The following CFAP206 variants were observed in gnomAD, a reference collection of about 807,000 sequenced individuals.
CFAP206 encodes cilia- and flagella-associated protein 206.
A neutral mutation model predicts 65.4 loss-of-function variants in CFAP206; 53 were observed. That is an observed-to-expected ratio of 0.81 (90% CI 0.65 to 1.02). CFAP206 has a LOEUF of 1.02. Among genes scored for constraint, CFAP206 ranks in the 50% least tolerant of loss-of-function variants. The pLI, the probability that CFAP206 is intolerant of heterozygous loss-of-function variation, is 0.00. For synonymous variants in CFAP206, 250 were observed against 254.4 expected (o/e 0.98, Z 0.17); for missense variants, 663 against 753.2 (o/e 0.88, Z 1.40).
chr6:87,450,571 C>CAAAA (rs10678289), intron 11 of CFAP206, among the ~76,000 whole-genome samples: 8 of 120,930 alleles, frequency 6.6e-5, no homozygotes, highest in Admixed American at 5.2e-4. Flanking sequence ...CTACTTATGG[C>CAAAA]AAAAAAAAAA....
At chr6:87,438,784 G>A (rs1232162272) in intron 11 of CFAP206, among the ~76,000 whole-genome samples, 1 of 151,994 alleles carries the variant, frequency 6.6e-6, no homozygotes, top group Non-Finnish European at 1.5e-5. Context: ...TAGTCTATTT[G>A]GAGATAATAA....
At chr6:87,445,000 G>T in intron 11 of CFAP206, 1 of 521,684 alleles carries the variant, frequency 1.9e-6, no homozygotes, top group South Asian at 1.4e-5. Context: ...ATTCGTTGAA[G>T]ACACTGGCTC....
chr6:87,411,771 T>C (rs1360299440), intron 3 of CFAP206, among the ~76,000 whole-genome samples: 1 of 152,254 alleles, frequency 6.6e-6, no homozygotes, highest in East Asian at 1.9e-4. Flanking sequence ...GAATAGGATG[T>C]CATTTCTCCA....
Position 87,409,824 on chromosome 6 carries a change from G to T in CFAP206, c.-5-11G>T. The T allele has an allele frequency of 1.3e-6, 2 of 1,569,120 alleles. No homozygotes were observed. The highest frequency in any genetic ancestry group is 1.7e-6 in the Non-Finnish European group (2 of 1,153,502). On this transcript the variant is annotated splice_polypyrimidine_tract_variant and intron_variant, in intron 1 of 12. Coordinates refer to ENST00000369562, the MANE Select transcript of CFAP206 (RefSeq NM_001031743.3). ...CACGGTTTTTTTAAAAAAAATTGTT[G>T]TTTTATTTAGCCAGAATGCCTCCAA...
chr6:87,454,140 CAGAG>C (rs1366714412), intron 11 of CFAP206, among the ~76,000 whole-genome samples: 1 of 152,048 alleles, frequency 6.6e-6, no homozygotes, highest in Admixed American at 6.6e-5. Flanking sequence ...TAAAAAGACA[CAGAG>C]AAGATCATTA....
chr6:87,415,954 T>A, intron 5 of CFAP206, 80 bp downstream of exon 5: 1 of 1,095,686 alleles, frequency 9.1e-7, no homozygotes, highest in Non-Finnish European at 1.2e-6. Flanking sequence ...AAATTAGAAG[T>A]GTTAAAGATT....
At chr6:87,452,317 C>T (rs760431953) in intron 11 of CFAP206, among the ~76,000 whole-genome samples, 1 of 152,220 alleles carries the variant, frequency 6.6e-6, no homozygotes, top group Non-Finnish European at 1.5e-5. Flanking sequence ...TAGATCACAA[C>T]ACTCAATTCC....
At chr6:87,444,403 G>T in intron 11 of CFAP206, 1 of 223,356 alleles carries the variant, frequency 4.5e-6, no homozygotes, top group South Asian at 8.0e-5. Context: ...CATTACGCTT[G>T]ACCTACAAAT....
chr6:87,431,673 G>A (rs1422157701), intron 10 of CFAP206, among the ~76,000 whole-genome samples: 1 of 152,308 alleles, frequency 6.6e-6, no homozygotes. Flanking sequence ...GGCTGAGGCA[G>A]GAGAATCACT....
At chr6:87,438,318 G>C (rs963675318) in intron 11 of CFAP206, among the ~76,000 whole-genome samples, 5 of 151,924 alleles carry the variant, frequency 3.3e-5, no homozygotes, top group Non-Finnish European at 7.4e-5. Context: ...AAAATTAGCT[G>C]GGTGTCTTGG....
intron 3 of CFAP206, among the ~76,000 whole-genome samples, chr6:87,412,464 T>C (rs1767750334): frequency 6.6e-6 from 1 of 151,260 alleles, no homozygotes; most frequent in Non-Finnish European, 1.5e-5. Context: ...CCAGTAGAGA[T>C]GAGAGAAGGA....
rs55870560 is a variant in CFAP206 at position 87,450,475 on chromosome 6, ATGTGTGTGTG to A, written c.1495-10517_1495-10508del. 6.5e-3 allele frequency among the ~76,000 whole-genome samples: 842 copies of A among 130,394 alleles called. 12 individuals carry two copies. Among genetic ancestry groups the A allele is most frequent in the African/African-American group, 0.023 (792 of 34,130 alleles). The allele number at this position is 130,394 out of a possible 152,430, so 85.5% of individuals were successfully genotyped here. A position where few individuals can be genotyped will look rare whatever the true frequency, so the allele number is the denominator to read the frequency against. On this transcript the variant is annotated intron_variant, in intron 11 of 12. Transcript: ENST00000369562. ...ATATATTTCCTTTGAATAAATGAAAATGTGTGTGTGTGTGTGTGTGTGTGTGTGTGTGTGT... is the reference window on the plus strand; with the variant it reads ...ATATATTTCCTTTGAATAAATGAAAATGTGTGTGTGTGTGTGTGTGTGTGT...
At chr6:87,428,891 GTTCTAAAAAT>G (rs1768105423) in intron 9 of CFAP206, 67 bp downstream of exon 9, 2 of 1,414,984 alleles carry the variant, frequency 1.4e-6, no homozygotes, top group Non-Finnish European at 2.0e-6. Flanking sequence ...TCACTCTTTT[GTTCTAAAAAT>G]TTCATATCTT....
chr6:87,452,005 A>C (rs1259252979), intron 11 of CFAP206, among the ~76,000 whole-genome samples: 1 of 152,052 alleles, frequency 6.6e-6, no homozygotes, highest in African/African-American at 2.4e-5. Context: ...TTGCCACAGT[A>C]CCAAAACCCA....
chr6:87,422,465 A>G (rs1273925872), intron 7 of CFAP206, among the ~76,000 whole-genome samples: 5 of 149,350 alleles, frequency 3.3e-5, no homozygotes, highest in Non-Finnish European at 7.4e-5. Flanking sequence ...AAAAAAAAAA[A>G]AAAAGGCCGG....
intron 11 of CFAP206, among the ~76,000 whole-genome samples, chr6:87,445,413 T>A (rs1037287700): frequency 7.9e-5 from 12 of 151,982 alleles, no homozygotes; most frequent in African/African-American, 2.7e-4. Context: ...GTGTCCATGT[T>A]TTCTCATTGT....
chr6:87,444,961 A>G (rs939159578), intron 11 of CFAP206: 3 of 528,086 alleles, frequency 5.7e-6, no homozygotes, highest in East Asian at 5.1e-5. Context: ...CTCTGTTACA[A>G]TATCAGATGG....
At chr6:87,445,726 A>AT (rs1768431228) in intron 11 of CFAP206, among the ~76,000 whole-genome samples, 1 of 152,152 alleles carries the variant, frequency 6.6e-6, no homozygotes, top group Non-Finnish European at 1.5e-5. Flanking sequence ...ATACCCAGTA[A>AT]TAGGATTGCT....
intron 11 of CFAP206, among the ~76,000 whole-genome samples, chr6:87,458,230 A>C (rs1191490923): frequency 6.6e-6 from 1 of 152,102 alleles, no homozygotes; most frequent in Non-Finnish European, 1.5e-5. Flanking sequence ...TGGGAATGTA[A>C]ATTAGTAAGC....
Sources: gnomAD v4.1 joint callset for allele counts (sites outside exome capture counted in the v4.1 genomes callset) on GRCh38, gnomAD v4.1.1 for gene constraint, MANE v1.5 for transcripts, NCBI Gene and HGNC (gene_info 2026-07-23, HGNC 2026-07-21) for gene names.